Variants in PHF21A observed in about 807,000 individuals in gnomAD.
PHF21A encodes the protein BHC80a.
A neutral mutation model predicts 82.5 loss-of-function variants in PHF21A; 11 were observed. The observed-to-expected ratio is 0.13, with a 90% CI of 0.08 to 0.22. The LOEUF (loss-of-function observed/expected upper bound fraction) is 0.22, where lower values mean the gene tolerates loss of function less well. Among genes scored for constraint, PHF21A ranks in the 10% least tolerant of loss-of-function variants. The pLI, the probability that PHF21A is intolerant of heterozygous loss-of-function variation, is 1.00. For missense variants in PHF21A, 579 were observed against 837.8 expected (o/e 0.69, Z 3.81); for synonymous variants, 297 against 302.8 (o/e 0.98, Z 0.20).
chr11:46,090,149 T>C (rs895763285), intron 3 of PHF21A, among the ~76,000 whole-genome samples: 3 of 149,760 alleles, frequency 2.0e-5, no homozygotes, highest in African/African-American at 7.4e-5. Flanking sequence ...AAATTGAAAA[T>C]GGAGGAGGTT....
chr11:46,025,500 T>C (rs568049557), intron 6 of PHF21A, among the ~76,000 whole-genome samples: 2 of 152,364 alleles, frequency 1.3e-5, no homozygotes, highest in African/African-American at 2.4e-5. Flanking sequence ...TTCTTAATCA[T>C]GTATAGCTCT....
chr11:45,954,054 T>G (rs1369754377), intron 10 of PHF21A, among the ~76,000 whole-genome samples: 2 of 152,188 alleles, frequency 1.3e-5, no homozygotes, highest in African/African-American at 4.8e-5. Context: ...TGGAGTGCAA[T>G]GGCATGATCT....
chr11:46,027,224 A>G (rs1345853636), intron 6 of PHF21A: 2 of 152,186 alleles, frequency 1.3e-5, no homozygotes, highest in Non-Finnish European at 2.9e-5. Context: ...TGATTTCTAC[A>G]AGTTTTCTCC....
chr11:46,028,085 G>T (rs935140548), intron 6 of PHF21A, among the ~76,000 whole-genome samples: 9 of 151,656 alleles, frequency 5.9e-5, no homozygotes, highest in African/African-American at 2.2e-4. Context: ...GAAATCTCTG[G>T]GGACAATTTT....
intron 5 of PHF21A, among the ~76,000 whole-genome samples, 194 bp from the exon 6 acceptor site, chr11:46,077,013 C>T (rs113638767): frequency 0.013 from 1,978 of 152,294 alleles, 41 homozygotes; most frequent in African/African-American, 0.045. Context: ...GCTCCTTGCA[C>T]CAAAACAGGA....
intron 11 of PHF21A, among the ~76,000 whole-genome samples, chr11:45,951,635 C>T (rs1260228222): frequency 1.3e-5 from 2 of 152,122 alleles, no homozygotes; most frequent in Admixed American, 1.3e-4. Flanking sequence ...GAGGCTTTCC[C>T]CTAACTGTTG....
At chr11:45,958,024 A>G (rs1046299943) in intron 10 of PHF21A, among the ~76,000 whole-genome samples, 2 of 152,118 alleles carry the variant, frequency 1.3e-5, no homozygotes, top group Admixed American at 6.5e-5. Context: ...CATAGATGCA[A>G]TGGAAAACTC....
intron 6 of PHF21A, among the ~76,000 whole-genome samples, chr11:45,989,716 T>C (rs1252537853): frequency 6.7e-6 from 1 of 148,626 alleles, no homozygotes; most frequent in Non-Finnish European, 1.5e-5. Context: ...ATAAAAAATT[T>C]AGCTGGGCAC....
In PHF21A at chr11:45,981,940, CTTTTTTTTTTTTT is replaced by C. The variant is rs754937092; in HGVS notation, c.154-1987_154-1975del. On this transcript the variant is annotated intron_variant, in intron 6 of 18. Coordinates refer to ENST00000676320, the MANE Select transcript of PHF21A (RefSeq NM_001352027.3). Reference sequence around the variant, plus strand: ...GGTTTGTTTCTCTCTTTTTGTTTTTCTTTTTTTTTTTTTTTTTTTTTTTTTGGTTGTTTTGAAA... The same window carrying C: ...GGTTTGTTTCTCTCTTTTTGTTTTTCTTTTTTTTTTTTGGTTGTTTTGAAA... Among the ~76,000 whole-genome samples, 134 of 78,308 alleles carry C rather than the reference CTTTTTTTTTTTTT, an allele frequency of 1.7e-3. 1 individual carries two copies. Among genetic ancestry groups the C allele is most frequent in the African/African-American group, 5.9e-3 (120 of 20,384 alleles). The allele number at this position is 78,308 out of a possible 152,430, so 51.4% of individuals were successfully genotyped here. A position where few individuals can be genotyped will look rare whatever the true frequency, so the allele number is the denominator to read the frequency against.
chr11:46,020,550 G>A (rs553645627), intron 6 of PHF21A, among the ~76,000 whole-genome samples: 1 of 152,218 alleles, frequency 6.6e-6, no homozygotes, highest in African/African-American at 2.4e-5. Flanking sequence ...TGCTTCCCTT[G>A]CGTCTAACAC....
chr11:46,016,170 A>T (rs956988466), intron 6 of PHF21A, among the ~76,000 whole-genome samples: 2 of 152,176 alleles, frequency 1.3e-5, no homozygotes, highest in African/African-American at 4.8e-5. Flanking sequence ...GCTCCACTAT[A>T]ATCTTATGGG....
intron 6 of PHF21A, among the ~76,000 whole-genome samples, chr11:45,983,494 G>T (rs1565397553): frequency 6.7e-6 from 1 of 149,470 alleles, no homozygotes; most frequent in East Asian, 2.0e-4. Flanking sequence ...TGCTATCTGT[G>T]AAAAAAAAAA....
chr11:46,037,737 G>A (rs959369783), intron 6 of PHF21A, among the ~76,000 whole-genome samples: 1 of 150,700 alleles, frequency 6.6e-6, no homozygotes, highest in Non-Finnish European at 1.5e-5. Context: ...TGAGAAGTTT[G>A]TGGGATTTTT....
chr11:46,092,925 C>G (rs1321283551), intron 1 of PHF21A, among the ~76,000 whole-genome samples: 3 of 151,896 alleles, frequency 2.0e-5, no homozygotes, highest in Admixed American at 2.0e-4. Flanking sequence ...CTGGCTATTA[C>G]TTTATTTTTT....
At chr11:46,104,318 C>A (rs1409552437) in intron 1 of PHF21A, among the ~76,000 whole-genome samples, 1 of 152,096 alleles carries the variant, frequency 6.6e-6, no homozygotes, top group African/African-American at 2.4e-5. Flanking sequence ...TTGAGAGTTA[C>A]AATGCCTAGT....
chr11:45,999,188 T>C (rs1460858807), intron 6 of PHF21A, among the ~76,000 whole-genome samples: 2 of 152,122 alleles, frequency 1.3e-5, no homozygotes, highest in East Asian at 1.9e-4. Context: ...TTAAAAACTA[T>C]GTAAACAGAG....
chr11:46,089,892 T>C lies in PHF21A; in HGVS notation c.-84+563A>G, dbSNP rs540292689. ...GCAACGTGCAGGCTATTATGGTGCC[T>C]TGGGCCAGGCCAGGGTTCCCCATAG... On this transcript the variant is annotated intron_variant, in intron 3 of 18. Coordinates refer to ENST00000676320, the MANE Select transcript of PHF21A (RefSeq NM_001352027.3). Among the ~76,000 whole-genome samples the C allele has an allele frequency of 4.6e-5, 7 of 151,974 alleles. No individual in the cohort carries two copies. In the South Asian group the frequency reaches 1.5e-3, roughly 32 times the overall value.
intron 6 of PHF21A, among the ~76,000 whole-genome samples, chr11:46,032,428 A>T (rs1223616452): frequency 6.6e-6 from 1 of 152,198 alleles, no homozygotes; most frequent in Non-Finnish European, 1.5e-5. Context: ...TGTGAAAATC[A>T]GTATCATCTA....
At chr11:46,103,305 T>C (rs1367797981) in intron 1 of PHF21A, among the ~76,000 whole-genome samples, 1 of 152,156 alleles carries the variant, frequency 6.6e-6, no homozygotes, top group South Asian at 2.1e-4. Flanking sequence ...AGAGCTAAAG[T>C]AAAGAAAACT....
Sources: allele counts gnomAD v4.1 joint callset (sites outside exome capture counted in the v4.1 genomes callset), GRCh38; gene constraint gnomAD v4.1.1; transcripts MANE v1.5; gene names NCBI Gene and HGNC (gene_info 2026-07-23, HGNC 2026-07-21).